Variants in NAALADL2 observed in about 807,000 individuals in gnomAD.
NAALADL2 encodes the protein inactive N-acetylated-alpha-linked acidic dipeptidase-like protein 2.
A neutral mutation model predicts 87.2 loss-of-function variants in NAALADL2; 76 were observed. That is an observed-to-expected ratio of 0.87 (90% confidence interval 0.72 to 1.05). The LOEUF (loss-of-function observed/expected upper bound fraction) is 1.05, where lower values mean the gene tolerates loss of function less well. NAALADL2 is among the 50% of genes least tolerant of loss of function. The pLI is 0.00. For missense variants in NAALADL2, 1,089 were observed against 945.8 expected, an observed-to-expected ratio of 1.15 and a Z score of -1.99; for synonymous variants, 354 against 331.0, an observed-to-expected ratio of 1.07 and a Z score of -0.75.
chr3:175,234,054 G>T lies in NAALADL2; in HGVS notation c.669G>T (p.Leu223=), dbSNP rs762710060. Residue 223 remains leucine (L), a synonymous_variant, in exon 3 of 14, where the codon CTG becomes CTT. Coordinates refer to ENST00000454872, the MANE Select transcript of NAALADL2 (RefSeq NM_207015.3). ...TAAATTACTCTGTGCTGCTTGATCT[G>T]CCAGGCCCTTCTCCCAGCACTGTGA... is the stretch of plus-strand genomic sequence containing the variant. The part of the protein sequence containing the change: ...QFVNYSVLLD[L]PGPSPSTVTL... 1.8e-5 allele frequency: 29 copies of T among 1,613,724 alleles called. No homozygotes were observed. The highest frequency in any genetic ancestry group is 8.5e-7 in the Non-Finnish European group (1 of 1,179,828).
chr3:175,397,808 G>C (rs1339409106), intron 5 of NAALADL2, among the ~76,000 whole-genome samples: 4 of 152,232 alleles, frequency 2.6e-5, no homozygotes, highest in Admixed American at 2.6e-4. Context: ...ACTGTTTACA[G>C]TTTCATAGCC....
intron 2 of NAALADL2, among the ~76,000 whole-genome samples, chr3:174,635,414 A>T (rs1334161818): frequency 6.6e-6 from 1 of 152,122 alleles, no homozygotes; most frequent in African/African-American, 2.4e-5. Flanking sequence ...TTTACAGGTT[A>T]TTAGCCATTA....
At chr3:174,683,995 A>G (rs475170) in intron 2 of NAALADL2, among the ~76,000 whole-genome samples, 76,956 of 151,630 alleles carry the variant, frequency 0.51, 22,389 homozygotes, top group Non-Finnish European at 0.68. Flanking sequence ...TTTTCTATGC[A>G]TCACATTTAG....
rs147814058 is a variant in NAALADL2 at position 175,378,426 on chromosome 3, G to T, written c.1090+54101G>T. ...TAAATATCCTGCTTCATTATGTTGT[G>T]CTTTGTATTGCATGGTGGTTCATTT... On this transcript the variant is annotated intron_variant, in intron 5 of 13. Transcript: ENST00000454872. Among the ~76,000 whole-genome samples, 512 of 152,338 alleles carry T rather than the reference G, an allele frequency of 3.4e-3. 1 individual carries two copies. Among genetic ancestry groups the T allele is most frequent in the Non-Finnish European group, 6.0e-3 (405 of 68,028 alleles).
chr3:175,000,155 C>T (rs1160643727), intron 1 of NAALADL2, among the ~76,000 whole-genome samples: 2 of 152,074 alleles, frequency 1.3e-5, no homozygotes, highest in East Asian at 3.9e-4. Context: ...GAACCAGGTT[C>T]TTTGTTAGGC....
chr3:175,727,376 T>C (rs138442089), intron 11 of NAALADL2, among the ~76,000 whole-genome samples: 65 of 152,280 alleles, frequency 4.3e-4, no homozygotes, highest in Admixed American at 1.4e-3. Flanking sequence ...CTAACACAGG[T>C]CTTTATGTTC....
At chr3:175,667,246 AAAGAAAGAAAG>A (rs1560943774) in intron 11 of NAALADL2, among the ~76,000 whole-genome samples, 75 of 142,158 alleles carry the variant, frequency 5.3e-4, no homozygotes, top group African/African-American at 2.0e-3. Context: ...AAAGAAAAAG[AAAGAAAGAAAG>A]AAAGAAAGGA....
intron 1 of NAALADL2, among the ~76,000 whole-genome samples, chr3:174,476,711 T>C (rs1717238521): frequency 6.6e-6 from 1 of 152,032 alleles, no homozygotes; most frequent in South Asian, 2.1e-4. Flanking sequence ...TGCTCAGAAA[T>C]GGATTAATTC....
chr3:175,543,527 G>A (rs1050296579), intron 9 of NAALADL2, among the ~76,000 whole-genome samples: 1 of 152,092 alleles, frequency 6.6e-6, no homozygotes, highest in East Asian at 1.9e-4. Context: ...GGCTGGGGAG[G>A]CCTGACAATT....
chr3:174,924,884 G>A (rs1410582665), intron 1 of NAALADL2, among the ~76,000 whole-genome samples: 1 of 152,134 alleles, frequency 6.6e-6, no homozygotes, highest in Non-Finnish European at 1.5e-5. Context: ...AGAAGTGTCT[G>A]TTCATATCCT....
intron 3 of NAALADL2, among the ~76,000 whole-genome samples, chr3:174,779,560 C>T (rs898021181): frequency 2.6e-5 from 4 of 152,110 alleles, no homozygotes; most frequent in African/African-American, 9.7e-5. Flanking sequence ...ATGCCTATGT[C>T]CTGAATGGTA....
chr3:175,632,309 T>C (rs536585465), intron 11 of NAALADL2, among the ~76,000 whole-genome samples: 18 of 141,398 alleles, frequency 1.3e-4, no homozygotes, highest in Middle Eastern at 3.7e-3. Flanking sequence ...TCTCTCTCTC[T>C]CCTACTCCCT....
chr3:174,908,647 T>C (rs1269177789), intron 1 of NAALADL2, among the ~76,000 whole-genome samples: 1 of 152,132 alleles, frequency 6.6e-6, no homozygotes, highest in African/African-American at 2.4e-5. Flanking sequence ...GCTTTCATAA[T>C]TAATAGGATC....
chr3:175,632,967 T>G (rs901839728), intron 11 of NAALADL2, among the ~76,000 whole-genome samples: 3 of 152,146 alleles, frequency 2.0e-5, no homozygotes, highest in African/African-American at 7.2e-5. Flanking sequence ...TAGTGGCTAC[T>G]GCATTTGGCA....
At chr3:175,248,935 C>T (rs182003940) in intron 3 of NAALADL2, among the ~76,000 whole-genome samples, 37 of 151,750 alleles carry the variant, frequency 2.4e-4, no homozygotes, top group African/African-American at 8.2e-4. Flanking sequence ...GTGTGTAGAG[C>T]CATTGTATCA....
chr3:174,815,636 G>A (rs1720700601), intron 3 of NAALADL2, among the ~76,000 whole-genome samples: 1 of 151,892 alleles, frequency 6.6e-6, no homozygotes, highest in Non-Finnish European at 1.5e-5. Flanking sequence ...CAGTTACATT[G>A]GTTTATGTAA....
chr3:175,761,732 G>A (rs192901743), intron 13 of NAALADL2, among the ~76,000 whole-genome samples: 5 of 152,078 alleles, frequency 3.3e-5, no homozygotes, highest in South Asian at 2.1e-4. Context: ...GTTTGAATCC[G>A]CAGTTCCCCA....
chr3:175,787,699 A>T (rs1752250699), intron 13 of NAALADL2, among the ~76,000 whole-genome samples: 1 of 152,142 alleles, frequency 6.6e-6, no homozygotes, highest in Non-Finnish European at 1.5e-5. Context: ...GGAGCTGTAG[A>T]CCGGAGCTGT....
chr3:175,564,322 C>CT (rs200765700), intron 9 of NAALADL2, among the ~76,000 whole-genome samples: 1,819 of 152,168 alleles, frequency 0.012, 37 homozygotes, highest in African/African-American at 0.041. Flanking sequence ...TTCTGGTTTA[C>CT]TTTTTAAAAA....
Sources: gnomAD v4.1 joint callset for allele counts (sites outside exome capture counted in the v4.1 genomes callset) on GRCh38, gnomAD v4.1.1 for gene constraint, MANE v1.5 for transcripts, NCBI Gene and HGNC (gene_info 2026-07-23, HGNC 2026-07-21) for gene names.